The following NFILZ variants were observed in gnomAD, a reference collection of about 807,000 sequenced individuals.
NFILZ encodes NFIL3 like protein.
At chr19:8,657,450 C>A (rs775334328) in intron 3 of NFILZ, among the ~76,000 whole-genome samples, 1 of 152,096 alleles carries the variant, frequency 6.6e-6, no homozygotes, top group Non-Finnish European at 1.5e-5. Flanking sequence ...CTGGCTGCTG[C>A]AGGGTCCTGT....
intron 3 of NFILZ, among the ~76,000 whole-genome samples, chr19:8,662,708 C>T (rs527922724): frequency 1.9e-4 from 29 of 150,464 alleles, no homozygotes; most frequent in Admixed American, 1.2e-3. Flanking sequence ...ACGATCTTGG[C>T]TCACTGCAAC....
At chr19:8,655,548 G>A (rs1161280012) in intron 3 of NFILZ, among the ~76,000 whole-genome samples, 4 of 152,154 alleles carry the variant, frequency 2.6e-5, no homozygotes, top group Non-Finnish European at 5.9e-5. Context: ...GGAAGCGCCG[G>A]TGACTACCTC....
At chr19:8,657,968 G>C (rs2043012484) in intron 3 of NFILZ, among the ~76,000 whole-genome samples, 1 of 152,146 alleles carries the variant, frequency 6.6e-6, no homozygotes, top group African/African-American at 2.4e-5. Flanking sequence ...GGCAGGACTG[G>C]CGGTCTTGGG....
intron 3 of NFILZ, among the ~76,000 whole-genome samples, chr19:8,663,780 G>GTGTGTGTGTGTGTGTGTATGTA (rs2043048792): frequency 1.6e-5 from 2 of 125,288 alleles, no homozygotes; most frequent in African/African-American, 5.2e-5. Flanking sequence ...GTATGTATGT[G>GTGTGTGTGTGTGTGTGTATGTA]TGTTTGTTGT....
rs782172864 is a variant in NFILZ at position 8,679,004 on chromosome 19, G to C, written c.*1369G>C. On this transcript the variant is annotated 3_prime_UTR_variant, in exon 6 of 6. Transcript: ENST00000691075. ...TGAATCCCCCTTCTTGGTGTCCCCT[G>C]GGGGGCTTGCTTACCACCCAGTTTG... 3.3e-5 allele frequency among the ~76,000 whole-genome samples: 5 copies of C among 152,066 alleles called. No homozygotes were observed. The highest frequency in any genetic ancestry group is 5.9e-5 in the Non-Finnish European group (4 of 67,994).
At chr19:8,639,391 A>C (rs918923076) in intron 3 of NFILZ, among the ~76,000 whole-genome samples, 13 of 152,084 alleles carry the variant, frequency 8.5e-5, no homozygotes, top group South Asian at 2.1e-4. Context: ...AGCCTGGGCA[A>C]CATAGCAAGA....
At chr19:8,673,969 T>C (rs1186284761) in intron 3 of NFILZ, among the ~76,000 whole-genome samples, 1 of 152,194 alleles carries the variant, frequency 6.6e-6, no homozygotes, top group Admixed American at 6.5e-5. Context: ...GCCTCCTGAA[T>C]AGCTGGGACT....
At chr19:8,673,957 C>T (rs868970870) in intron 3 of NFILZ, among the ~76,000 whole-genome samples, 1 of 152,224 alleles carries the variant, frequency 6.6e-6, no homozygotes, top group African/African-American at 2.4e-5. Context: ...TCTCCTGTCT[C>T]AGCCTCCTGA....
Position 8,669,417 on chromosome 19 carries a change from CT to C in NFILZ, c.-163-5133del, listed in dbSNP as rs1465659300. On this transcript the variant is annotated intron_variant, in intron 3 of 5. Coordinates refer to ENST00000691075, the MANE Select transcript of NFILZ (RefSeq NM_001378600.1). Reference sequence around the variant, plus strand: ...GACATTGGAAGCTCATAGAGGTGACCTGACTTGCCCAGGCACACTTAGCTAG... The same window carrying C: ...GACATTGGAAGCTCATAGAGGTGACCGACTTGCCCAGGCACACTTAGCTAG... Among the ~76,000 whole-genome samples the C allele has an allele frequency of 2.0e-5, 3 of 152,264 alleles. No homozygotes were observed. The East Asian group carries it at 5.8e-4, about 29-fold the overall frequency.
chr19:8,631,574 C>T (rs1289975256), intron 1 of NFILZ, among the ~76,000 whole-genome samples: 1 of 152,130 alleles, frequency 6.6e-6, no homozygotes, highest in Non-Finnish European at 1.5e-5. Context: ...GTCTTGGCCC[C>T]CTCTTCCCCC....
intron 3 of NFILZ, among the ~76,000 whole-genome samples, chr19:8,636,157 A>AT (rs1202138716): frequency 6.6e-6 from 1 of 151,622 alleles, no homozygotes; most frequent in Non-Finnish European, 1.5e-5. Context: ...TTTTAAAAAA[A>AT]TTTTATTTTC....
chr19:8,671,421 G>T (rs1395534587), intron 3 of NFILZ, among the ~76,000 whole-genome samples: 3 of 146,692 alleles, frequency 2.0e-5, no homozygotes, highest in Non-Finnish European at 4.6e-5. Flanking sequence ...TGGTTAGGGG[G>T]GTTCAGGCCA....
At chr19:8,672,123 A>G (rs922716540) in intron 3 of NFILZ, among the ~76,000 whole-genome samples, 25 of 152,346 alleles carry the variant, frequency 1.6e-4, no homozygotes, top group African/African-American at 6.0e-4. Flanking sequence ...TCATTCCAAA[A>G]AGATATTCAT....
chr19:8,633,135 C>T (rs2042878210), intron 2 of NFILZ, among the ~76,000 whole-genome samples: 2 of 150,960 alleles, frequency 1.3e-5, no homozygotes, highest in Non-Finnish European at 2.9e-5. Context: ...ATTCTCCTGC[C>T]TCAGCCTCCT....
intron 3 of NFILZ, among the ~76,000 whole-genome samples, chr19:8,644,844 A>C (rs1349015050): frequency 2.0e-5 from 3 of 149,050 alleles, no homozygotes; most frequent in Non-Finnish European, 4.5e-5. Flanking sequence ...TCGGCTTACC[A>C]CAACCTCCGC....
chr19:8,663,724 G>GTGTGTGTGTGTGTGTGTGTGTGTGTA (rs2043044756), intron 3 of NFILZ, among the ~76,000 whole-genome samples: 1 of 75,612 alleles, frequency 1.3e-5, no homozygotes, highest in African/African-American at 6.3e-5. Context: ...GTGTGTGTTT[G>GTGTGTGTGTGTGTGTGTGTGTGTGTA]TGTGTGTGTG....
Position 8,677,741 on chromosome 19 carries a change from C to G in NFILZ, c.*106C>G, listed in dbSNP as rs2043117802. Reference sequence around the variant, plus strand: ...GGTCTTGATCAGCAATCTGGGAAGGCCTGTAGGAAGTAGGGGTGCCCTGGC... The same window carrying G: ...GGTCTTGATCAGCAATCTGGGAAGGGCTGTAGGAAGTAGGGGTGCCCTGGC... On this transcript the variant is annotated 3_prime_UTR_variant, in exon 6 of 6. Coordinates refer to ENST00000691075, the MANE Select transcript of NFILZ (RefSeq NM_001378600.1). 6.6e-6 allele frequency among the ~76,000 whole-genome samples: 1 copy of G among 151,996 alleles called. No individual in the cohort carries two copies. The highest frequency in any genetic ancestry group is 1.5e-5 in the Non-Finnish European group (1 of 67,960).
chr19:8,636,163 T>C (rs2042893356), intron 3 of NFILZ, among the ~76,000 whole-genome samples: 1 of 151,760 alleles, frequency 6.6e-6, no homozygotes, highest in Non-Finnish European at 1.5e-5. Flanking sequence ...AAAAATTTTA[T>C]TTTCGGCTGG....
At position 8,679,497 on chromosome 19, in the gene NFILZ, C is replaced by T. The variant is rs561844541; in HGVS notation, c.*1862C>T. ...TGGGGGCTGGGCTAGTTCTTGGCTA[C>T]TCCAAGTTTATCAGAGCCACAAATG... On this transcript the variant is annotated 3_prime_UTR_variant, in exon 6 of 6. Coordinates refer to ENST00000691075, the MANE Select transcript of NFILZ (RefSeq NM_001378600.1). Among the ~76,000 whole-genome samples the T allele has an allele frequency of 1.3e-5, 2 of 152,146 alleles. No individual in the cohort carries two copies. The highest frequency in any genetic ancestry group is 4.2e-4 in the South Asian group (2 of 4,812).
Sources: allele counts gnomAD v4.1 joint callset (sites outside exome capture counted in the v4.1 genomes callset), GRCh38; gene constraint gnomAD v4.1.1; transcripts MANE v1.5; gene names NCBI Gene and HGNC (gene_info 2026-07-23, HGNC 2026-07-21).